The following DCHS1 variants were observed in gnomAD, a reference collection of about 807,000 sequenced individuals.
DCHS1 encodes the protein protocadherin-16.
In DCHS1, 78 loss-of-function variants were observed where a neutral mutation model predicts 213.9. The observed-to-expected ratio is 0.36, with a 90% CI of 0.30 to 0.44. The LOEUF is 0.44. Ranked by LOEUF, DCHS1 falls within the 20% of genes least tolerant of loss-of-function variation. The pLI, the probability that DCHS1 is intolerant of heterozygous loss-of-function variation, is 1.00. For missense variants in DCHS1, 3,946 were observed against 4,395.9 expected, an observed-to-expected ratio of 0.90 and a Z score of 2.89; for synonymous variants, 1,828 against 1,873.7, an observed-to-expected ratio of 0.98 and a Z score of 0.63.
At chr11:6,655,109 A>T (rs1282060398) in intron 1 of DCHS1, among the ~76,000 whole-genome samples, 1 of 151,908 alleles carries the variant, frequency 6.6e-6, no homozygotes, top group East Asian at 1.9e-4. Flanking sequence ...CATCCTCCAC[A>T]TTCTGACACA....
In DCHS1 at chr11:6,626,113, C is replaced by G; in HGVS notation, c.6577-39G>C. 1 of 1,599,030 alleles carries G rather than the reference C, an allele frequency of 6.3e-7. No homozygotes were observed. Among genetic ancestry groups the G allele is most frequent in the African/African-American group, 1.3e-5 (1 of 74,716 alleles). On this transcript the variant is annotated intron_variant, in intron 16 of 20. Transcript: ENST00000299441. The surrounding 1 kb of genome is among the most constrained non-coding windows in gnomAD (Gnocchi z 5.2). ...GAGGCTGCTGGGACTGGTCTGGCCA[C>G]AGACAAGTCTGACTAGCCCTGCTCC...
rs1051737645 is a variant in DCHS1, at chr11:6,622,025, G to A, written c.9651C>T (p.Pro3217=). ...AVAHPGAKSV[P]PKPANTAAAR... ...CTGCAGCTGTGTTTGCTGGCTTGGG[G>A]GGCACAGACTTGGCTCCTGGGTGGG... Residue 3217 remains proline (P), a synonymous_variant, in exon 21 of 21, where the codon CCC becomes CCT. Transcript: ENST00000299441. The surrounding 1 kb of genome is among the most constrained non-coding windows in gnomAD (Gnocchi z 5.4). 1.2e-6 allele frequency: 2 copies of A among 1,613,256 alleles called. No homozygotes were observed. The highest frequency in any genetic ancestry group is 2.7e-5 in the African/African-American group (2 of 74,898).
chr11:6,621,982 G>C lies in DCHS1; in HGVS notation c.9694C>G (p.Pro3232Ala), dbSNP rs761179038. 6.2e-7 allele frequency: 1 copy of C among 1,613,490 alleles called. No individual in the cohort carries two copies. Among genetic ancestry groups the C allele is most frequent in the Non-Finnish European group, 8.5e-7 (1 of 1,179,790 alleles). ...NTAAARAIFPPASHRSPISHE... is the reference protein window; with the variant it reads ...NTAAARAIFPAASHRSPISHE... ...CTGATGGGGGAGCGGTGAGAAGCTG[G>C]TGGGAAGATGGCCCGGGCTGCAGCT... The change falls in exon 21 of 21, where the codon CCA becomes GCA. Residue 3232 changes from proline to alanine, a missense_variant. Around this residue, in one of 3 missense-constraint regions of DCHS1, gnomAD observed 554 missense variants for 590.2 expected, o/e 0.94. Transcript: ENST00000299441.
intron 1 of DCHS1, among the ~76,000 whole-genome samples, chr11:6,646,407 C>G (rs547322940): frequency 6.6e-6 from 1 of 152,254 alleles, no homozygotes; most frequent in African/African-American, 2.4e-5. Context: ...GTCTCATGCT[C>G]GCTCCAGCTC....
rs756799528 is a variant in DCHS1, at chr11:6,626,195, G to A, written c.6550C>T (p.Arg2184Trp). 49 of 1,609,676 alleles carry A rather than the reference G, an allele frequency of 3.0e-5. No individual in the cohort carries two copies. Among genetic ancestry groups the A allele is most frequent in the African/African-American group, 1.1e-4 (8 of 74,818 alleles). Residue 2184 changes from arginine (R) to tryptophan (W), a missense_variant, in exon 16 of 21, where the codon CGG (arginine) becomes TGG (tryptophan). By Grantham distance (101) the Arg-to-Trp change is moderately radical (BLOSUM62 -3). Around this residue, in one of 3 missense-constraint regions of DCHS1, gnomAD observed 3,384 missense variants for 3,780.1 expected, o/e 0.90. Transcript: ENST00000299441. This position sits in a 1 kb window ranked among gnomAD's most constrained non-coding sequence, Gnocchi z 5.2. ...PHYVAFLPES[R>W]PLEGPLLQVE... ...TGCAGCAGGGGCCCCTCCAAGGGCC[G>A]GGACTCAGGAAGGAAGGCCACATAA...
At position 6,626,318 on chromosome 11, in the gene DCHS1, C is replaced by A; in HGVS notation, c.6427G>T (p.Val2143Leu). The A allele has an allele frequency of 1.2e-5, 20 of 1,613,584 alleles. No individual in the cohort carries two copies. Among genetic ancestry groups the A allele is most frequent in the Non-Finnish European group, 1.6e-5 (19 of 1,179,718 alleles). ...DFEVSPRLRL[V>L]LQAESGGAFA... ...GCTCCTCCACTCTCTGCCTGCAGCACCAGTCGCAGCCGTGGACTCACCTCG... is the reference window on the plus strand; with the variant it reads ...GCTCCTCCACTCTCTGCCTGCAGCAACAGTCGCAGCCGTGGACTCACCTCG... Residue 2143 changes from valine to leucine, a missense_variant, in exon 16 of 21, where the codon GTG becomes TTG. By Grantham distance (32) the Val-to-Leu change is conservative. This residue lies in a region of DCHS1 where 3,384 missense variants were observed against 3,780.1 expected (regional missense o/e 0.90). Transcript: ENST00000299441. This position sits in a 1 kb window ranked among gnomAD's most constrained non-coding sequence, Gnocchi z 5.2.
intron 5 of DCHS1, 56 bp from the exon 6 acceptor site, chr11:6,633,112 G>A: frequency 6.5e-7 from 1 of 1,543,598 alleles, no homozygotes; most frequent in East Asian, 2.3e-5. Context: ...TATTGAGTCA[G>A]GACCCAGAGT....
intron 2 of DCHS1, among the ~76,000 whole-genome samples, chr11:6,636,082 G>C (rs72911031): frequency 0.064 from 9,756 of 152,190 alleles, 583 homozygotes; most frequent in African/African-American, 0.16. Context: ...ACTATTTCAA[G>C]GAGAAAAGAA....
Position 6,631,641 on chromosome 11 carries a change from G to A in DCHS1, c.3650C>T (p.Ala1217Val), listed in dbSNP as rs1281723560. ...CTGTATAGGGAGGCCCCCACCAGCA[G>A]CTCCTGAAGCCTGCAGGAACGTGGG... is the stretch of plus-strand genomic sequence containing the variant. ...NSPTFLQASG[A>V]AGGGLPIQVP... The change falls in exon 7 of 21, where the codon GCT (alanine) becomes GTT (valine). Residue 1217 changes from alanine to valine, a missense_variant. This residue lies in a region of DCHS1 where 3,384 missense variants were observed against 3,780.1 expected (regional missense o/e 0.90). Transcript: ENST00000299441. 1 of 1,588,520 alleles carries A rather than the reference G, an allele frequency of 6.3e-7. No homozygotes were observed. Among genetic ancestry groups the A allele is most frequent in the Non-Finnish European group, 8.6e-7 (1 of 1,167,578 alleles).
rs1417922836 is a variant in DCHS1, at chr11:6,621,519, C to A, written c.*260G>T. On this transcript the variant is annotated 3_prime_UTR_variant, in exon 21 of 21. Transcript: ENST00000299441. ...CAGGGTGCTGGTGCAGGGCAGGGAT[C>A]CCTCACTGAGGAGAACCCAGGGCTG... 4.9e-6 allele frequency: 3 copies of A among 614,734 alleles called. No individual in the cohort carries two copies. The highest frequency in any genetic ancestry group is 4.5e-5 in the Admixed American group (2 of 44,294). 38.1% of individuals were successfully genotyped at this position (614,734 alleles called of 1,614,324 possible).
intron 1 of DCHS1, among the ~76,000 whole-genome samples, chr11:6,654,892 C>A (rs970070785): frequency 6.6e-6 from 1 of 152,104 alleles, no homozygotes; most frequent in Non-Finnish European, 1.5e-5. Context: ...CCCACGCCTG[C>A]GGTGACCTTG....
In DCHS1 at chr11:6,628,873, A is replaced by G. The variant is rs1855856135; in HGVS notation, c.5162-43T>C. 1 of 1,571,068 alleles carries G rather than the reference A, an allele frequency of 6.4e-7. No homozygotes were observed. The highest frequency in any genetic ancestry group is 1.4e-5 in the African/African-American group (1 of 73,960). On this transcript the variant is annotated intron_variant, in intron 12 of 20. Transcript: ENST00000299441. This position sits in a 1 kb window ranked among gnomAD's most constrained non-coding sequence, Gnocchi z 4.3. ...CAATGAGGTCTAGTCTGCCCTCACC[A>G]CATGGAGAAATCCACACCACACAGT...
chr11:6,644,875 T>C (rs7129828), intron 1 of DCHS1, among the ~76,000 whole-genome samples: 32,601 of 152,170 alleles, frequency 0.21, 4,061 homozygotes, highest in African/African-American at 0.32. Flanking sequence ...TTTACAGATT[T>C]GCTGTGCTGT....
chr11:6,639,066 T>C (rs1856026028), intron 2 of DCHS1, among the ~76,000 whole-genome samples: 1 of 150,878 alleles, frequency 6.6e-6, no homozygotes, highest in Admixed American at 6.6e-5. Context: ...GCCCAGATCA[T>C]GCCACCGCAC....
chr11:6,627,220 A>G lies in DCHS1; in HGVS notation c.5819T>C (p.Leu1940Pro), dbSNP rs1279004054. The G allele has an allele frequency of 6.2e-7, 1 of 1,613,244 alleles. No individual in the cohort carries two copies. The stretch of plus-strand genomic sequence containing the variant: ...GATGGTGACAGACACTGTGGTGCTT[A>G]GGGGCCCAGCAGCTGCACCATCCAC... Reference protein sequence around the residue: ...SAVDGAAAGPLSTTVSVTITV... With the variant: ...SAVDGAAAGPPSTTVSVTITV... Residue 1940 changes from leucine to proline, a missense_variant, in exon 14 of 21, where the codon CTA (leucine) becomes CCA (proline). By Grantham distance (98) the Leu-to-Pro change is moderately conservative (BLOSUM62 -3). Transcript: ENST00000299441. The surrounding 1 kb of genome is among the most constrained non-coding windows in gnomAD (Gnocchi z 5.4).
In DCHS1 at chr11:6,623,144, G is replaced by C; in HGVS notation, c.8532C>G (p.Ala2844=). The change falls in exon 21 of 21, where the codon GCC becomes GCG. Residue 2844 remains alanine, a synonymous_variant. Transcript: ENST00000299441. ...HVQATDEDGG[A]DGLVLYSLAT... ...CAAGGGAATACAGAACCAGGCCATC[G>C]GCACCCCCATCCTCATCTGTGGCCT... The C allele has an allele frequency of 6.2e-7, 1 of 1,608,758 alleles. No individual in the cohort carries two copies. Among genetic ancestry groups the C allele is most frequent in the Non-Finnish European group, 8.5e-7 (1 of 1,177,674 alleles).
At chr11:6,649,053 A>G (rs569455681) in intron 1 of DCHS1, among the ~76,000 whole-genome samples, 57 of 152,216 alleles carry the variant, frequency 3.7e-4, no homozygotes, top group African/African-American at 1.3e-3. Flanking sequence ...AACAATAAAC[A>G]TAGCACAATG....
rs1855848069 is a variant in DCHS1, at chr11:6,628,547, G to T, written c.5371+74C>A. 1 of 1,556,526 alleles carries T rather than the reference G, an allele frequency of 6.4e-7. No individual in the cohort carries two copies. The highest frequency in any genetic ancestry group is 8.8e-7 in the Non-Finnish European group (1 of 1,130,360). ...AGGAGACCCAGACACATGCACTGAG[G>T]CTGACAGCAGCCAAGAAGGAGCAAG... On this transcript the variant is annotated intron_variant, in intron 13 of 20. Transcript: ENST00000299441. This position sits in a 1 kb window ranked among gnomAD's most constrained non-coding sequence, Gnocchi z 4.3.
In DCHS1 at chr11:6,641,514, CCAGCAGCAG is replaced by C. The variant is rs72555381; in HGVS notation, c.91_99del (p.Leu31_Leu33del). On this transcript the variant is annotated inframe_deletion, in exon 2 of 21. Transcript: ENST00000299441. This position sits in a 1 kb window ranked among gnomAD's most constrained non-coding sequence, Gnocchi z 7.1. ...CCCCAGGCACCTGGCACCCCAGCCC[CCAGCAGCAG>C]CAGCAGCAGCAGCAGCAATGGTAGC... The C allele has an allele frequency of 1.6e-5, 25 of 1,551,216 alleles. No individual in the cohort carries two copies. Among genetic ancestry groups the C allele is most frequent in the African/African-American group, 2.7e-5 (2 of 73,174 alleles).
Sources: allele counts gnomAD v4.1 joint callset (sites outside exome capture counted in the v4.1 genomes callset), GRCh38; gene constraint gnomAD v4.1.1; regional missense constraint gnomAD v4.1.1; non-coding constraint Gnocchi (gnomAD v3.1); transcripts MANE v1.5; gene names NCBI Gene and HGNC (gene_info 2026-07-23, HGNC 2026-07-21).